Variants in MAPKAPK2 observed in about 807,000 individuals in gnomAD.
The protein encoded by MAPKAPK2 is MAPK activated protein kinase 2, also known as MAP kinase-activated protein kinase 2.
Under a neutral mutation model 48.8 loss-of-function variants are expected in MAPKAPK2, and 9 were observed. That is an observed-to-expected ratio of 0.18 (90% CI 0.11 to 0.32). The LOEUF is 0.32. Ranked by LOEUF, MAPKAPK2 falls within the 10% of genes least tolerant of loss-of-function variation. The pLI, the probability that MAPKAPK2 is intolerant of heterozygous loss-of-function variation, is 1.00. For synonymous variants in MAPKAPK2, 202 were observed against 190.6 expected (o/e 1.06, Z -0.49); for missense variants, 331 against 498.3 (o/e 0.66, Z 3.20).
Position 206,726,451 on chromosome 1 carries a change from A to G in MAPKAPK2, c.280-2259A>G, listed in dbSNP as rs146221078. On this transcript the variant is annotated intron_variant, in intron 1 of 9. Coordinates refer to ENST00000367103, the MANE Select transcript of MAPKAPK2 (RefSeq NM_032960.4). Reference sequence around the variant, plus strand: ...CTCAAGACCCATGAGGTGTCCTCATATGGCCACAAGGTGGCAGTGTGACCT... The same window carrying G: ...CTCAAGACCCATGAGGTGTCCTCATGTGGCCACAAGGTGGCAGTGTGACCT... 4.2e-3 allele frequency among the ~76,000 whole-genome samples: 644 copies of G among 152,382 alleles called. 5 individuals carry two copies. Among genetic ancestry groups the G allele is most frequent in the African/African-American group, 0.015 (627 of 41,600 alleles).
At chr1:206,687,514 C>G (rs782615460) in intron 1 of MAPKAPK2, among the ~76,000 whole-genome samples, 1 of 152,174 alleles carries the variant, frequency 6.6e-6, no homozygotes, top group African/African-American at 2.4e-5. Context: ...TTCCCACACA[C>G]GTCTTTGTGT....
At chr1:206,722,970 G>A (rs1673578381) in intron 1 of MAPKAPK2, among the ~76,000 whole-genome samples, 1 of 152,252 alleles carries the variant, frequency 6.6e-6, no homozygotes, top group South Asian at 2.1e-4. Context: ...ACCCCCAGCT[G>A]CCTCCTGGGA....
At chr1:206,716,731 T>C (rs1318072129) in intron 1 of MAPKAPK2, among the ~76,000 whole-genome samples, 1 of 152,138 alleles carries the variant, frequency 6.6e-6, no homozygotes, top group Non-Finnish European at 1.5e-5. Flanking sequence ...AGAGGCGCAG[T>C]GTTCCTGACC....
chr1:206,690,238 A>G (rs1432970487), intron 1 of MAPKAPK2, among the ~76,000 whole-genome samples: 8 of 152,252 alleles, frequency 5.3e-5, no homozygotes, highest in African/African-American at 1.9e-4. Context: ...TTGTGGTTTC[A>G]GAGATCCTGT....
chr1:206,703,023 T>C (rs1672849229), intron 1 of MAPKAPK2, among the ~76,000 whole-genome samples: 1 of 152,206 alleles, frequency 6.6e-6, no homozygotes, highest in African/African-American at 2.4e-5. Context: ...AGGCCCTCCC[T>C]GCTAGACCAA....
At chr1:206,729,896 A>G (rs1673844577) in intron 4 of MAPKAPK2, 76 bp from the exon 5 acceptor site, 1 of 1,575,142 alleles carries the variant, frequency 6.3e-7, no homozygotes, top group Non-Finnish European at 8.7e-7. Flanking sequence ...GAAGGGAGGA[A>G]CCAGGATCCT....
intron 1 of MAPKAPK2, among the ~76,000 whole-genome samples, chr1:206,726,088 A>G (rs1285860418): frequency 7.9e-5 from 12 of 152,190 alleles, no homozygotes; most frequent in African/African-American, 2.7e-4. Context: ...GGTACATCCA[A>G]ATGAATGAAG....
At chr1:206,715,771 C>T (rs1673308404) in intron 1 of MAPKAPK2, among the ~76,000 whole-genome samples, 2 of 151,682 alleles carry the variant, frequency 1.3e-5, no homozygotes, top group Admixed American at 1.3e-4. Context: ...GGGCCACAGG[C>T]TAGTGCCACC....
At chr1:206,690,773 C>G (rs1553426139) in intron 1 of MAPKAPK2, among the ~76,000 whole-genome samples, 1 of 152,174 alleles carries the variant, frequency 6.6e-6, no homozygotes, top group African/African-American at 2.4e-5. Context: ...AGGGCACAGT[C>G]GTCTGCATCT....
chr1:206,721,490 A>T (rs1553431211), intron 1 of MAPKAPK2, among the ~76,000 whole-genome samples: 2 of 152,244 alleles, frequency 1.3e-5, no homozygotes, highest in African/African-American at 4.8e-5. Context: ...CTAAAAGTAG[A>T]ATTTTAACAT....
chr1:206,698,400 C>T (rs1223011679), intron 1 of MAPKAPK2, among the ~76,000 whole-genome samples: 1 of 152,174 alleles, frequency 6.6e-6, no homozygotes, highest in Non-Finnish European at 1.5e-5. Flanking sequence ...CTGTGGGTAC[C>T]TTCTATACCC....
At chr1:206,712,156 C>A (rs992193174) in intron 1 of MAPKAPK2, among the ~76,000 whole-genome samples, 5 of 152,160 alleles carry the variant, frequency 3.3e-5, no homozygotes, top group African/African-American at 1.2e-4. Flanking sequence ...ATGCTTTACA[C>A]CTTCTCTTCC....
chr1:206,732,682 A>G lies in MAPKAPK2; in HGVS notation c.1167A>G (p.Lys389=), dbSNP rs782530956. ...SNPLLLKRRK[K]ARALEAAALA... ...CTCTGCTGCTGAAGAGGCGGAAGAA[A>G]GCTCGGGCCCTGGAGGCTGCGGCTC... Residue 389 remains lysine (K), a synonymous_variant, in exon 10 of 10, where the codon AAA becomes AAG. Transcript: ENST00000367103. The surrounding 1 kb of genome is among the most constrained non-coding windows in gnomAD (Gnocchi z 4.4). 11 of 1,614,098 alleles carry G rather than the reference A, an allele frequency of 6.8e-6. No individual in the cohort carries two copies. Among genetic ancestry groups the G allele is most frequent in the Non-Finnish European group, 9.3e-6 (11 of 1,180,046 alleles).
intron 1 of MAPKAPK2, among the ~76,000 whole-genome samples, chr1:206,727,062 T>G (rs1673722851): frequency 1.3e-5 from 2 of 152,158 alleles, no homozygotes; most frequent in Non-Finnish European, 2.9e-5. Context: ...GCATGTCTCT[T>G]GGACACCCCA....
chr1:206,705,751 A>G (rs939484711), intron 1 of MAPKAPK2, among the ~76,000 whole-genome samples: 5 of 152,224 alleles, frequency 3.3e-5, no homozygotes, highest in African/African-American at 9.7e-5. Flanking sequence ...GGAATTCAGA[A>G]TTGTGAACTG....
intron 1 of MAPKAPK2, among the ~76,000 whole-genome samples, chr1:206,728,040 A>T (rs1297602338): frequency 2.0e-5 from 3 of 152,168 alleles, no homozygotes; most frequent in African/African-American, 7.2e-5. Flanking sequence ...TGAACCCCTG[A>T]GGCTGGTGAG....
chr1:206,695,313 TC>T (rs1344182005), intron 1 of MAPKAPK2, among the ~76,000 whole-genome samples: 1 of 152,172 alleles, frequency 6.6e-6, no homozygotes, highest in Non-Finnish European at 1.5e-5. Flanking sequence ...CCATGATTCT[TC>T]GGCGTGCAGT....
intron 1 of MAPKAPK2, among the ~76,000 whole-genome samples, chr1:206,720,732 G>A (rs919324580): frequency 1.3e-5 from 2 of 152,098 alleles, no homozygotes; most frequent in African/African-American, 4.8e-5. Context: ...TGTACATAAG[G>A]GTTTGTAACT....
At chr1:206,724,786 A>G (rs532112397) in intron 1 of MAPKAPK2, among the ~76,000 whole-genome samples, 6 of 152,246 alleles carry the variant, frequency 3.9e-5, no homozygotes, top group Admixed American at 3.9e-4. Flanking sequence ...GTTCCTAACC[A>G]CTAGGTGAGG....
Sources: gnomAD v4.1 joint callset for allele counts (sites outside exome capture counted in the v4.1 genomes callset) on GRCh38, gnomAD v4.1.1 for gene constraint, Gnocchi (gnomAD v3.1) non-coding constraint, MANE v1.5 for transcripts, NCBI Gene and HGNC (gene_info 2026-07-23, HGNC 2026-07-21) for gene names.